The following ZBTB8OS variants were observed in gnomAD, a reference collection of about 807,000 sequenced individuals.
The protein encoded by ZBTB8OS is tRNA-splicing ligase-activating factor archease.
ZBTB8OS carries 16 observed loss-of-function variants against 29.3 expected under a neutral mutation model. The ratio of observed to expected loss-of-function variants is 0.55; its 90% CI spans 0.37 to 0.83. The LOEUF is 0.83. Ranked by LOEUF, ZBTB8OS falls within the 40% of genes least tolerant of loss-of-function variation. The pLI, the probability that ZBTB8OS is intolerant of heterozygous loss-of-function variation, is 0.00. For missense variants in ZBTB8OS, 160 were observed against 196.9 expected (o/e 0.81, Z 1.12); for synonymous variants, 70 against 64.6 (o/e 1.08, Z -0.40).
At chr1:32,642,848 C>CA (rs1557808329) in intron 1 of ZBTB8OS, among the ~76,000 whole-genome samples, 1 of 76,996 alleles carries the variant, frequency 1.3e-5, no homozygotes, top group Non-Finnish European at 2.7e-5. Context: ...TAGCTCACTG[C>CA]AACCTCCGCC....
chr1:32,636,417 G>A (rs1225353725), intron 1 of ZBTB8OS, among the ~76,000 whole-genome samples: 8 of 152,188 alleles, frequency 5.3e-5, no homozygotes, highest in Non-Finnish European at 8.8e-5. Flanking sequence ...GAGTCTGGGC[G>A]CAGTTGCTCA....
At position 32,645,177 on chromosome 1, in the gene ZBTB8OS, C is replaced by CA. The variant is rs889868436; in HGVS notation, c.97+5255dup. Among the ~76,000 whole-genome samples the CA allele has an allele frequency of 3.7e-4, 50 of 133,430 alleles. No individual in the cohort carries two copies. In the East Asian group the frequency reaches 4.5e-3, roughly 12 times the overall value. 87.5% of individuals were successfully genotyped at this position (133,430 alleles called of 152,430 possible). ...CTGTCAACAGAGTGAGACTTCATCT[C>CA]AAAAAAAAAAAGTCATTTTCATTCA... is the stretch of plus-strand genomic sequence containing the variant. On this transcript the variant is annotated intron_variant, in intron 1 of 6. Coordinates refer to ENST00000468695, the MANE Select transcript of ZBTB8OS (RefSeq NM_178547.5).
intron 6 of ZBTB8OS, 29 bp from the exon 7 acceptor site, chr1:32,621,977 A>G (rs1228190990): frequency 1.4e-6 from 2 of 1,476,070 alleles, no homozygotes; most frequent in African/African-American, 1.4e-5. Context: ...AAAAAAAAAA[A>G]AAAAAGGAAA....
At chr1:32,645,643 C>G (rs749901947) in intron 1 of ZBTB8OS, among the ~76,000 whole-genome samples, 1 of 152,222 alleles carries the variant, frequency 6.6e-6, no homozygotes, top group African/African-American at 2.4e-5. Flanking sequence ...AAAGATAGAG[C>G]CCAGCCTTAC....
At chr1:32,650,859 C>G, upstream of ZBTB8OS, 1 of 490,640 alleles carries the variant, frequency 2.0e-6, no homozygotes, top group Admixed American at 3.7e-5. Flanking sequence ...ATAACTAGAC[C>G]CGAAGGCATT....
intron 6 of ZBTB8OS, among the ~76,000 whole-genome samples, chr1:32,622,740 TAAA>T (rs1222661963): frequency 6.7e-6 from 1 of 148,598 alleles, no homozygotes; most frequent in African/African-American, 2.5e-5. Flanking sequence ...GAAAAAAAAG[TAAA>T]AAACTTTTGA....
intron 5 of ZBTB8OS, among the ~76,000 whole-genome samples, chr1:32,630,418 T>A (rs1229041233): frequency 6.6e-6 from 1 of 151,694 alleles, no homozygotes; most frequent in Non-Finnish European, 1.5e-5. Context: ...CTGGGCATGG[T>A]AGTGCGCACC....
chr1:32,624,550 A>G (rs1644970796), intron 6 of ZBTB8OS, among the ~76,000 whole-genome samples: 2 of 152,254 alleles, frequency 1.3e-5, no homozygotes, highest in African/African-American at 4.8e-5. Flanking sequence ...GAAATATTCC[A>G]GGAACCAGAT....
At chr1:32,649,504 G>C (rs1487043102) in intron 1 of ZBTB8OS, among the ~76,000 whole-genome samples, 1 of 152,014 alleles carries the variant, frequency 6.6e-6, no homozygotes, top group Admixed American at 6.6e-5. Flanking sequence ...AAGAGACAAA[G>C]ATAGGTTATG....
At chr1:32,624,056 C>T (rs1644932252) in intron 6 of ZBTB8OS, among the ~76,000 whole-genome samples, 2 of 152,124 alleles carry the variant, frequency 1.3e-5, no homozygotes, top group South Asian at 4.1e-4. Flanking sequence ...CTTCCTGCCA[C>T]AATGTGAAGA....
chr1:32,644,664 G>A (rs2148459055), intron 1 of ZBTB8OS, among the ~76,000 whole-genome samples: 1 of 149,144 alleles, frequency 6.7e-6, no homozygotes, highest in Admixed American at 6.7e-5. Flanking sequence ...TCCCCAGTAG[G>A]TGCGACTACA....
At chr1:32,625,417 A>G (rs1417221701) in intron 6 of ZBTB8OS, among the ~76,000 whole-genome samples, 1 of 148,898 alleles carries the variant, frequency 6.7e-6, no homozygotes, top group East Asian at 2.0e-4. Context: ...GCCTGTAATC[A>G]CAGCTACTTG....
intron 1 of ZBTB8OS, among the ~76,000 whole-genome samples, chr1:32,638,935 A>C (rs979923497): frequency 1.3e-5 from 2 of 152,002 alleles, no homozygotes; most frequent in Non-Finnish European, 2.9e-5. Flanking sequence ...TAACAATAAT[A>C]ATCATTCCAT....
intron 2 of ZBTB8OS, chr1:32,634,519 C>A: frequency 1.8e-6 from 1 of 554,708 alleles, no homozygotes; most frequent in Admixed American, 3.0e-5. Context: ...AGCCACCACA[C>A]CCGGCCTTAT....
In ZBTB8OS at chr1:32,634,803, G is replaced by A. The variant is rs1357291377; in HGVS notation, c.98-11C>T. 6.3e-7 allele frequency: 1 copy of A among 1,595,146 alleles called. No homozygotes were observed. Among genetic ancestry groups the A allele is most frequent in the Non-Finnish European group, 8.6e-7 (1 of 1,162,920 alleles). On this transcript the variant is annotated splice_polypyrimidine_tract_variant and intron_variant, in intron 1 of 6. Transcript: ENST00000468695. Reference sequence around the variant, plus strand: ...CTGTATGATCCAAATCTGAGGGACAGAGGGAAAAACACTTATAAGACACTA... The same window carrying A: ...CTGTATGATCCAAATCTGAGGGACAAAGGGAAAAACACTTATAAGACACTA...
intron 1 of ZBTB8OS, 27 bp from the exon 2 acceptor site, chr1:32,634,819 T>C (rs772773631): frequency 6.9e-6 from 10 of 1,455,900 alleles, no homozygotes; most frequent in Non-Finnish European, 8.7e-6. Context: ...AAAACACTTA[T>C]AAGACACTAA....
Position 32,627,510 on chromosome 1 carries a change from G to A in ZBTB8OS, c.415C>T (p.Gln139Ter), listed in dbSNP as rs1645210494. The A allele has an allele frequency of 6.2e-7, 1 of 1,613,516 alleles. No homozygotes were observed. The highest frequency in any genetic ancestry group is 8.5e-7 in the Non-Finnish European group (1 of 1,179,778). Residue 139 changes from glutamine to a stop codon, truncating the protein, a stop_gained and splice_region_variant, in exon 6 of 7, where the codon CAG (glutamine) becomes TAG (stop). Transcript: ENST00000468695. LOFTEE classifies it high-confidence loss of function. ...GEEFSLSKHP[Q>*]GTEVKAITYS... ...AATGGCTGGATTTTAAAACATACCT[G>A]AGGGTGCTTGGACAATGAAAATTCT...
chr1:32,632,887 T>C (rs1312576765), intron 4 of ZBTB8OS, among the ~76,000 whole-genome samples: 1 of 152,140 alleles, frequency 6.6e-6, no homozygotes. Context: ...TTTCAATCAC[T>C]CTGAGCCTAA....
At position 32,643,577 on chromosome 1, in the gene ZBTB8OS, C is replaced by T. The variant is rs186043992; in HGVS notation, c.97+6856G>A. Among the ~76,000 whole-genome samples, 5 of 151,870 alleles carry T rather than the reference C, an allele frequency of 3.3e-5. No homozygotes were observed. The East Asian group carries it at 9.7e-4, about 30-fold the overall frequency. ...GTGGCATGATCTCGGCTCACCACAA[C>T]CCCTGCCTCCCGGGTTCAAGCTATT... On this transcript the variant is annotated intron_variant, in intron 1 of 6. Coordinates refer to ENST00000468695, the MANE Select transcript of ZBTB8OS (RefSeq NM_178547.5).
Sources: allele counts gnomAD v4.1 joint callset (sites outside exome capture counted in the v4.1 genomes callset), GRCh38; gene constraint gnomAD v4.1.1; transcripts MANE v1.5; gene names NCBI Gene and HGNC (gene_info 2026-07-23, HGNC 2026-07-21).